Variants in SLC25A13 observed in about 807,000 individuals in gnomAD.
The protein encoded by SLC25A13 is solute carrier family 25 member 13, also known as electrogenic aspartate/glutamate antiporter SLC25A13, mitochondrial.
A neutral mutation model predicts 85.5 loss-of-function variants in SLC25A13; 70 were observed. That is an observed-to-expected ratio of 0.82 (90% CI 0.68 to 1.00). SLC25A13 has a LOEUF of 1.00. Among genes scored for constraint, SLC25A13 ranks in the 50% least tolerant of loss-of-function variants. The probability of loss-of-function intolerance (pLI) is 0.00; values close to 1 mark genes in which losing one functional copy is unlikely to be tolerated. For synonymous variants in SLC25A13, 259 were observed against 288.7 expected, an observed-to-expected ratio of 0.90 and a Z score of 1.04; for missense variants, 765 against 819.8, an observed-to-expected ratio of 0.93 and a Z score of 0.82.
At chr7:96,166,493 T>C (rs1022840016) in intron 13 of SLC25A13, among the ~76,000 whole-genome samples, 1 of 152,174 alleles carries the variant, frequency 6.6e-6, no homozygotes, top group African/African-American at 2.4e-5. Context: ...AACTAGTCAT[T>C]GCACCACTTG....
chr7:96,321,905 G>A, intron 1 of SLC25A13, 37 bp downstream of exon 1: 3 of 1,524,550 alleles, frequency 2.0e-6, no homozygotes, highest in Middle Eastern at 1.7e-4. Context: ...GGCTGATCCG[G>A]CAGGCGCGCT....
chr7:96,311,628 A>C (rs1369948096), intron 1 of SLC25A13, among the ~76,000 whole-genome samples: 1 of 152,232 alleles, frequency 6.6e-6, no homozygotes, highest in Non-Finnish European at 1.5e-5. Flanking sequence ...GATTAGAACA[A>C]ACCAACTATA....
chr7:96,122,631 T>C (rs142574248), intron 15 of SLC25A13, among the ~76,000 whole-genome samples: 4 of 152,296 alleles, frequency 2.6e-5, no homozygotes, highest in African/African-American at 9.6e-5. Context: ...GATAACACTT[T>C]AGGATTTCTT....
At chr7:96,173,859 G>A (rs1451879793) in intron 11 of SLC25A13, among the ~76,000 whole-genome samples, 1 of 152,178 alleles carries the variant, frequency 6.6e-6, no homozygotes, top group Admixed American at 6.5e-5. Flanking sequence ...AAATAGAGCT[G>A]GCCAATTAGG....
rs537835577 is a variant in SLC25A13, at chr7:96,223,165, C to G, written c.328+11637G>C. Among the ~76,000 whole-genome samples the G allele has an allele frequency of 3.3e-5, 5 of 152,130 alleles. No homozygotes were observed. The South Asian group carries it at 1.0e-3, about 32-fold the overall frequency. ...ACAGACTCCCTGATACTTATCCAGGCAAAGAGTTGAGAACCCTTGACTTTA... is the reference window on the plus strand; with the variant it reads ...ACAGACTCCCTGATACTTATCCAGGGAAAGAGTTGAGAACCCTTGACTTTA... On this transcript the variant is annotated intron_variant, in intron 4 of 17. Transcript: ENST00000265631.
At position 96,146,707 on chromosome 7, in the gene SLC25A13, C is replaced by CA; in HGVS notation, c.1312-12dup. 1.2e-6 allele frequency: 2 copies of CA among 1,613,730 alleles called. No homozygotes were observed. Among genetic ancestry groups the CA allele is most frequent in the Non-Finnish European group, 1.7e-6 (2 of 1,179,858 alleles). ...CTGGGAGCCTCCAGCCTAAAAAGAA[C>CA]AAAAAAGATTTAGGATCAAAGCAAA... On this transcript the variant is annotated splice_polypyrimidine_tract_variant and intron_variant, in intron 13 of 17. Transcript: ENST00000265631.
chr7:96,196,120 G>A (rs752779928), intron 5 of SLC25A13, among the ~76,000 whole-genome samples: 15 of 152,280 alleles, frequency 9.9e-5, no homozygotes, highest in Non-Finnish European at 1.6e-4. Context: ...TGAACAAATC[G>A]TGAGCTATTG....
Position 96,245,337 on chromosome 7 carries a change from C to T in SLC25A13, c.213-10420G>A, listed in dbSNP as rs1375515420. Among the ~76,000 whole-genome samples, 3 of 151,950 alleles carry T rather than the reference C, an allele frequency of 2.0e-5. No homozygotes were observed. In the East Asian group the frequency reaches 5.8e-4, roughly 29 times the overall value. On this transcript the variant is annotated intron_variant, in intron 3 of 17. Transcript: ENST00000265631. ...GGAGAATCTGCCCCAGTGTCCTTGC[C>T]ACCTCCCTCAACCTCTCTTTTAACC...
At position 96,322,038 on chromosome 7, in the gene SLC25A13, C is replaced by CCGGCGG. The variant is rs759638459; in HGVS notation, c.-88_-83dup. Reference sequence around the variant, plus strand: ...GGACCCGGGCGGCTCACTTCTAGTCCCGGCGGCGGCGGCGGTGGGGGCGGC... The same window carrying CCGGCGG: ...GGACCCGGGCGGCTCACTTCTAGTCCCGGCGGCGGCGGCGGCGGCGGTGGGGGCGGC... On this transcript the variant is annotated 5_prime_UTR_variant, in exon 1 of 18. Coordinates refer to ENST00000265631, the MANE Select transcript of SLC25A13 (RefSeq NM_014251.3). 1 of 1,511,726 alleles carries CCGGCGG rather than the reference C, an allele frequency of 6.6e-7. No homozygotes were observed. Among genetic ancestry groups the CCGGCGG allele is most frequent in the Middle Eastern group, 2.0e-4 (1 of 5,110 alleles). The allele number at this position is 1,511,726 out of a possible 1,614,324, so 93.6% of individuals were successfully genotyped here. A position where few individuals can be genotyped will look rare whatever the true frequency, so the allele number is the denominator to read the frequency against.
At chr7:96,144,810 T>G (rs1225536385) in intron 14 of SLC25A13, among the ~76,000 whole-genome samples, 1 of 152,192 alleles carries the variant, frequency 6.6e-6, no homozygotes, top group Non-Finnish European at 1.5e-5. Flanking sequence ...TTGCAGGTAG[T>G]TTAACAGTCT....
At chr7:96,226,087 G>A (rs1027996890) in intron 4 of SLC25A13, among the ~76,000 whole-genome samples, 2 of 151,696 alleles carry the variant, frequency 1.3e-5, no homozygotes, top group African/African-American at 2.4e-5. Context: ...AAATAATATC[G>A]TTAACTATCA....
At chr7:96,230,213 A>C (rs906491306) in intron 4 of SLC25A13, among the ~76,000 whole-genome samples, 1 of 152,238 alleles carries the variant, frequency 6.6e-6, no homozygotes, top group African/African-American at 2.4e-5. Flanking sequence ...AAATGAACAA[A>C]GGAAGCCAGA....
At chr7:96,287,153 C>T (rs996950620) in intron 2 of SLC25A13, among the ~76,000 whole-genome samples, 3 of 152,190 alleles carry the variant, frequency 2.0e-5, no homozygotes, top group African/African-American at 7.2e-5. Flanking sequence ...TCCCGTTCTT[C>T]CCCTCACCAC....
intron 6 of SLC25A13, among the ~76,000 whole-genome samples, chr7:96,192,057 G>A (rs902447686): frequency 2.0e-5 from 3 of 152,158 alleles, no homozygotes; most frequent in African/African-American, 4.8e-5. Flanking sequence ...TAAAATAGCT[G>A]ACATGAAAGT....
intron 11 of SLC25A13, among the ~76,000 whole-genome samples, chr7:96,172,928 T>C (rs977044916): frequency 4.6e-5 from 7 of 152,110 alleles, no homozygotes; most frequent in Non-Finnish European, 8.8e-5. Context: ...CCGGCTAATT[T>C]TTTGTATTTT....
intron 1 of SLC25A13, among the ~76,000 whole-genome samples, chr7:96,299,911 T>C (rs1474603898): frequency 2.0e-5 from 3 of 152,164 alleles, no homozygotes; most frequent in African/African-American, 7.2e-5. Flanking sequence ...AAAGGTGTGG[T>C]AAAAATATGG....
At chr7:96,238,448 T>G (rs1310056830) in intron 3 of SLC25A13, among the ~76,000 whole-genome samples, 1 of 151,768 alleles carries the variant, frequency 6.6e-6, no homozygotes, top group East Asian at 1.9e-4. Flanking sequence ...TACAGCAGCC[T>G]GAGGAAACTA....
rs370389606 is a variant in SLC25A13, at chr7:96,207,950, A to G, written c.468+888T>C. Among the ~76,000 whole-genome samples the G allele has an allele frequency of 3.7e-3, 557 of 152,136 alleles. 1 individual carries two copies. The highest frequency in any genetic ancestry group is 7.1e-3 in the Non-Finnish European group (480 of 68,012). On this transcript the variant is annotated intron_variant, in intron 5 of 17. Coordinates refer to ENST00000265631, the MANE Select transcript of SLC25A13 (RefSeq NM_014251.3). ...CCATGAGGGCCACCCAAGAAGCTTTAAATAGCCCTCAAATACCCAGGCTTC... is the reference window on the plus strand; with the variant it reads ...CCATGAGGGCCACCCAAGAAGCTTTGAATAGCCCTCAAATACCCAGGCTTC...
Position 96,191,218 on chromosome 7 carries a change from A to G in SLC25A13, c.645T>C (p.Val215=), listed in dbSNP as rs1178819684. 1 of 1,613,976 alleles carries G rather than the reference A, an allele frequency of 6.2e-7. No homozygotes were observed. Among genetic ancestry groups the G allele is most frequent in the Admixed American group, 1.7e-5 (1 of 59,998 alleles). Residue 215 remains valine, a synonymous_variant, in exon 7 of 18, where the codon GTT becomes GTC. Coordinates refer to ENST00000265631, the MANE Select transcript of SLC25A13 (RefSeq NM_014251.3). ...TAAATCCATTAAAATAGGAGAAACT[A>G]ACTTGATGGGATGTGGTACCTCCAG... ...AAAGGTTSHQ[V]SFSYFNGFNS...
Sources: allele counts gnomAD v4.1 joint callset (sites outside exome capture counted in the v4.1 genomes callset), GRCh38; gene constraint gnomAD v4.1.1; transcripts MANE v1.5; gene names NCBI Gene and HGNC (gene_info 2026-07-23, HGNC 2026-07-21).